Variants in NR6A1 observed in about 807,000 individuals in gnomAD.
NR6A1 encodes the protein retinoic acid receptor-related testis-associated receptor.
In NR6A1, 7 loss-of-function variants were observed where a neutral mutation model predicts 59.1. The observed-to-expected ratio is 0.12, with a 90% CI of 0.07 to 0.22. NR6A1 has a LOEUF of 0.22. NR6A1 is among the 10% of genes least tolerant of loss of function. NR6A1 has a pLI of 1.00. For synonymous variants in NR6A1, 243 were observed against 236.1 expected, an observed-to-expected ratio of 1.03 and a Z score of -0.27; for missense variants, 468 against 611.6, an observed-to-expected ratio of 0.77 and a Z score of 2.48.
chr9:124,706,868 A>G (rs1839149805), intron 2 of NR6A1, among the ~76,000 whole-genome samples: 1 of 152,188 alleles, frequency 6.6e-6, no homozygotes, highest in African/African-American at 2.4e-5. Flanking sequence ...GCCTTCAGGC[A>G]TCCATTGCTT....
intron 3 of NR6A1, among the ~76,000 whole-genome samples, chr9:124,550,143 A>AG (rs1202450810): frequency 6.6e-5 from 10 of 152,136 alleles, no homozygotes; most frequent in Admixed American, 6.5e-4. Context: ...GTTTCATATC[A>AG]GGGGGTATAT....
chr9:124,583,069 C>A (rs1057224641), intron 2 of NR6A1, among the ~76,000 whole-genome samples: 1 of 152,088 alleles, frequency 6.6e-6, no homozygotes, highest in Non-Finnish European at 1.5e-5. Flanking sequence ...AATGCTTTGG[C>A]CATTAGGTAA....
intron 2 of NR6A1, among the ~76,000 whole-genome samples, chr9:124,565,438 A>G (rs1019522763): frequency 2.2e-4 from 32 of 148,044 alleles, no homozygotes; most frequent in African/African-American, 8.2e-4. Flanking sequence ...AAAACAAACA[A>G]ACAAACAAAC....
At chr9:124,722,042 GC>G (rs1185771120) in intron 2 of NR6A1, among the ~76,000 whole-genome samples, 2 of 152,156 alleles carry the variant, frequency 1.3e-5, no homozygotes, top group East Asian at 3.9e-4. Flanking sequence ...GTAAATATTA[GC>G]TATCCTTACT....
intron 2 of NR6A1, chr9:124,692,634 TC>T (rs767965642): frequency 7.8e-5 from 24 of 306,354 alleles, no homozygotes; most frequent in Non-Finnish European, 1.5e-4. Context: ...GGTCCTGCAA[TC>T]CCCCAAATGT....
At chr9:124,596,354 T>C (rs574881954) in intron 2 of NR6A1, among the ~76,000 whole-genome samples, 2 of 152,196 alleles carry the variant, frequency 1.3e-5, no homozygotes, top group South Asian at 2.1e-4. Context: ...TTTTCTGTCA[T>C]TACAATAAAC....
At chr9:124,588,736 C>CGTGAAACCCCGTCTCTACTAAA in intron 2 of NR6A1, among the ~76,000 whole-genome samples, 1 of 146,990 alleles carries the variant, frequency 6.8e-6, no homozygotes, top group Non-Finnish European at 1.5e-5. Context: ...TGGCTAACAA[C>CGTGAAACCCCGTCTCTACTAAA]GTGAAACCCC....
chr9:124,625,570 T>C (rs1272455038), intron 2 of NR6A1, among the ~76,000 whole-genome samples: 2 of 152,174 alleles, frequency 1.3e-5, no homozygotes, highest in African/African-American at 4.8e-5. Flanking sequence ...ATGACCAATA[T>C]TGCAAGGCTC....
intron 2 of NR6A1, among the ~76,000 whole-genome samples, chr9:124,567,640 TA>T (rs1214399266): frequency 4.0e-5 from 6 of 151,878 alleles, no homozygotes; most frequent in Non-Finnish European, 8.8e-5. Context: ...GTGTGCAGAA[TA>T]AAAAAGGCTC....
At chr9:124,657,069 A>G (rs1837280470) in intron 2 of NR6A1, among the ~76,000 whole-genome samples, 1 of 152,098 alleles carries the variant, frequency 6.6e-6, no homozygotes, top group East Asian at 1.9e-4. Flanking sequence ...TTTATGTTAC[A>G]TATACCTTAC....
chr9:124,644,713 T>C (rs1347388876), intron 2 of NR6A1, among the ~76,000 whole-genome samples: 2 of 152,208 alleles, frequency 1.3e-5, no homozygotes, highest in East Asian at 3.8e-4. Context: ...CTGGTCTCTA[T>C]GACAGTTTTT....
Position 124,771,290 on chromosome 9 carries a change from C to G in NR6A1, c.-171G>C, listed in dbSNP as rs549767244. ...GGCTCCGCGCCGCTCCGCGCCCCTC[C>G]GCGCCGCGCCCCCTCAGCACTGGCC... is the stretch of plus-strand genomic sequence containing the variant. On this transcript the variant is annotated 5_prime_UTR_variant, in exon 1 of 10. Transcript: ENST00000487099. 1 of 392,254 alleles carries G rather than the reference C, an allele frequency of 2.5e-6. No homozygotes were observed. Among genetic ancestry groups the G allele is most frequent in the Admixed American group, 4.5e-5 (1 of 22,320 alleles). The allele number at this position is 392,254 out of a possible 1,614,324, so 24.3% of individuals were successfully genotyped here.
At chr9:124,724,129 CT>C (rs1839643404) in intron 2 of NR6A1, among the ~76,000 whole-genome samples, 1 of 152,098 alleles carries the variant, frequency 6.6e-6, no homozygotes, top group Non-Finnish European at 1.5e-5. Flanking sequence ...CGTTTCATGA[CT>C]TGGGACAATG....
chr9:124,526,757 T>C, intron 8 of NR6A1, 22 bp downstream of exon 8: 1 of 1,610,356 alleles, frequency 6.2e-7, no homozygotes, highest in Non-Finnish European at 8.5e-7. Flanking sequence ...CAAACGTCCC[T>C]TTTCCCACCC....
At chr9:124,755,782 C>G (rs1386637303) in intron 1 of NR6A1, among the ~76,000 whole-genome samples, 3 of 152,112 alleles carry the variant, frequency 2.0e-5, no homozygotes, top group Non-Finnish European at 2.9e-5. Flanking sequence ...TGAGTATAAT[C>G]AGAAACTTTC....
intron 2 of NR6A1, among the ~76,000 whole-genome samples, chr9:124,725,943 G>A (rs988294858): frequency 2.0e-5 from 3 of 152,204 alleles, no homozygotes; most frequent in African/African-American, 4.8e-5. Flanking sequence ...GTTGACTACA[G>A]GCTTAATGTA....
intron 2 of NR6A1, among the ~76,000 whole-genome samples, chr9:124,610,996 G>A (rs1331754369): frequency 6.6e-6 from 1 of 152,090 alleles, no homozygotes; most frequent in African/African-American, 2.4e-5. Context: ...AGTGCTATTT[G>A]AGGATACTAC....
chr9:124,616,125 C>T (rs1835882683), intron 2 of NR6A1, among the ~76,000 whole-genome samples: 1 of 152,038 alleles, frequency 6.6e-6, no homozygotes, highest in East Asian at 1.9e-4. Context: ...TGGACAGGCG[C>T]AGTGGCTCAC....
At chr9:124,634,235 A>T (rs1351675223) in intron 2 of NR6A1, among the ~76,000 whole-genome samples, 1 of 152,232 alleles carries the variant, frequency 6.6e-6, no homozygotes, top group Non-Finnish European at 1.5e-5. Context: ...TTACAGTAGC[A>T]AAGTTTAAGC....
Sources: allele counts gnomAD v4.1 joint callset (sites outside exome capture counted in the v4.1 genomes callset), GRCh38; gene constraint gnomAD v4.1.1; transcripts MANE v1.5; gene names NCBI Gene and HGNC (gene_info 2026-07-23, HGNC 2026-07-21).